SMYD4: variants seen among roughly 807,000 people sequenced by gnomAD.
SMYD4 encodes the protein SET and MYND domain containing 4.
Under a neutral mutation model 72.8 loss-of-function variants are expected in SMYD4, and 68 were observed. The ratio of observed to expected loss-of-function variants is 0.93; its 90% confidence interval spans 0.77 to 1.14. The LOEUF (loss-of-function observed/expected upper bound fraction) is 1.14. Ranked by LOEUF, SMYD4 falls within the 50% of genes most tolerant of loss-of-function variation. The probability of loss-of-function intolerance (pLI) is 0.00; values close to 1 mark genes in which losing one functional copy is unlikely to be tolerated. For missense variants in SMYD4, 984 were observed against 1,003.7 expected (o/e 0.98, Z 0.27); for synonymous variants, 407 against 388.6 (o/e 1.05, Z -0.56).
At chr17:1,824,199 C>T (rs112096788) in intron 2 of SMYD4, among the ~76,000 whole-genome samples, 5,171 of 152,114 alleles carry the variant, frequency 0.034, 129 homozygotes, top group Non-Finnish European at 0.053. Flanking sequence ...AAACATTAGC[C>T]GGGCATGATG....
intron 6 of SMYD4, 31 bp from the exon 7 acceptor site, chr17:1,787,004 A>G (rs758585673): frequency 6.5e-7 from 1 of 1,532,346 alleles, no homozygotes; most frequent in South Asian, 1.1e-5. Flanking sequence ...GCCAATATTG[A>G]AAGCAAGAGA....
rs374639152 is a variant in SMYD4, at chr17:1,783,443, C to T, written c.2054G>A (p.Arg685His). ...RAVQRLSGCQ[R>H]DAESFLWAEH... ...TGCCCACAGGAAGCTCTCGGCGTCA[C>T]GCTGGCACCCCGACAGCCGCTGAAC... Residue 685 changes from arginine (R) to histidine (H), a missense_variant, in exon 9 of 11, where the codon CGT (arginine) becomes CAT (histidine). By Grantham distance (29) the Arg-to-His change is conservative (BLOSUM62 0). Transcript: ENST00000305513. 3.2e-5 allele frequency: 52 copies of T among 1,611,736 alleles called. No individual in the cohort carries two copies. The highest frequency in any genetic ancestry group is 6.7e-5 in the African/African-American group (5 of 74,892).
At chr17:1,805,850 A>G (rs1352361545) in intron 3 of SMYD4, among the ~76,000 whole-genome samples, 3 of 150,310 alleles carry the variant, frequency 2.0e-5, no homozygotes, top group Admixed American at 6.7e-5. Flanking sequence ...ATATATATAT[A>G]TATGTATAAG....
chr17:1,783,049 C>G lies in SMYD4; in HGVS notation c.2247G>C (p.Gln749His). ...EMGHELFKLA[Q>H]IFFNGFAVPE... Reference sequence around the variant, plus strand: ...AAGGGACTCACCCGTTGAAAAAGATCTGGGCCAATTTGAAGAGCTCATGGC... The same window carrying G: ...AAGGGACTCACCCGTTGAAAAAGATGTGGGCCAATTTGAAGAGCTCATGGC... The change falls in exon 10 of 11, where the codon CAG becomes CAC. Residue 749 changes from glutamine (Q) to histidine (H), a missense_variant. Gln to His is a conservative substitution (Grantham distance 24, BLOSUM62 0). Transcript: ENST00000305513. The G allele has an allele frequency of 6.2e-7, 1 of 1,614,102 alleles. No homozygotes were observed. Among genetic ancestry groups the G allele is most frequent in the South Asian group, 1.1e-5 (1 of 91,086 alleles).
intron 2 of SMYD4, among the ~76,000 whole-genome samples, chr17:1,824,547 G>T (rs1452921885): frequency 6.6e-6 from 1 of 152,092 alleles, no homozygotes; most frequent in Non-Finnish European, 1.5e-5. Flanking sequence ...TAACAGAATC[G>T]TGGGAGTGGT....
intron 5 of SMYD4, among the ~76,000 whole-genome samples, chr17:1,788,718 GACA>G (rs1346206084): frequency 6.6e-6 from 1 of 151,658 alleles, no homozygotes; most frequent in Non-Finnish European, 1.5e-5. Context: ...CTCCAGCCTA[GACA>G]ACAAGAGTGA....
At chr17:1,785,946 C>A (rs1351146138) in intron 7 of SMYD4, among the ~76,000 whole-genome samples, 1 of 152,210 alleles carries the variant, frequency 6.6e-6, no homozygotes, top group Non-Finnish European at 1.5e-5. Context: ...TGGACATCTG[C>A]TGTGTTTCAA....
At chr17:1,810,076 T>G (rs1422098804) in intron 3 of SMYD4, among the ~76,000 whole-genome samples, 2 of 151,800 alleles carry the variant, frequency 1.3e-5, no homozygotes, top group Non-Finnish European at 2.9e-5. Flanking sequence ...ATTACAAGTG[T>G]GAGCCACTGT....
intron 4 of SMYD4, among the ~76,000 whole-genome samples, chr17:1,801,999 A>G (rs1909791294): frequency 6.6e-6 from 1 of 151,558 alleles, no homozygotes; most frequent in Non-Finnish European, 1.5e-5. Context: ...CAAACAAAAA[A>G]CCAAATACAC....
intron 2 of SMYD4, among the ~76,000 whole-genome samples, chr17:1,817,366 T>C (rs1438325680): frequency 2.0e-5 from 3 of 152,086 alleles, no homozygotes; most frequent in African/African-American, 7.2e-5. Flanking sequence ...AGACAAGGTC[T>C]TGCTCTGTCG....
intron 2 of SMYD4, among the ~76,000 whole-genome samples, chr17:1,823,593 C>T (rs1911005415): frequency 6.6e-6 from 1 of 152,128 alleles, no homozygotes; most frequent in Non-Finnish European, 1.5e-5. Context: ...CCCTTTCTCT[C>T]TACTTCCGGT....
At chr17:1,788,174 T>C (rs1908807871) in intron 5 of SMYD4, among the ~76,000 whole-genome samples, 1 of 151,822 alleles carries the variant, frequency 6.6e-6, no homozygotes, top group Admixed American at 6.6e-5. Flanking sequence ...ACAGCTAGAT[T>C]TGGTCTCTAA....
intron 5 of SMYD4, among the ~76,000 whole-genome samples, chr17:1,796,703 G>A (rs1716145827): frequency 6.6e-6 from 1 of 152,086 alleles, no homozygotes; most frequent in African/African-American, 2.4e-5. Context: ...CCAAAGTGCT[G>A]GGATAATAGG....
intron 2 of SMYD4, among the ~76,000 whole-genome samples, chr17:1,821,124 G>C (rs777390991): frequency 1.6e-3 from 240 of 152,348 alleles, no homozygotes; most frequent in Middle Eastern, 6.8e-3. Context: ...ATGTGAACAA[G>C]ACTCACACAG....
intron 5 of SMYD4, among the ~76,000 whole-genome samples, chr17:1,789,764 CAA>C (rs60740904): frequency 4.4e-5 from 4 of 90,116 alleles, no homozygotes; most frequent in East Asian, 3.0e-4. Context: ...GACTCTGTCT[CAA>C]AAAAAAAAAA....
chr17:1,809,166 T>C (rs1296627473), intron 3 of SMYD4, among the ~76,000 whole-genome samples: 2 of 151,408 alleles, frequency 1.3e-5, no homozygotes, highest in Non-Finnish European at 3.0e-5. Flanking sequence ...AGTGAGCCAC[T>C]GTGCCCAGCC....
rs1436206925 is a variant in SMYD4 at position 1,809,755 on chromosome 17, C to T, written c.279+2216G>A. Among the ~76,000 whole-genome samples, 102 of 137,948 alleles carry T rather than the reference C, an allele frequency of 7.4e-4. No homozygotes were observed. The Middle Eastern group carries it at 0.016, about 21-fold the overall frequency. 90.5% of individuals were successfully genotyped at this position (137,948 alleles called of 152,430 possible). A position where few individuals can be genotyped will look rare whatever the true frequency, so the allele number is the denominator to read the frequency against. The stretch of plus-strand genomic sequence containing the variant: ...CGCGATCTCGGCTCACTGCAAGCTC[C>T]GCCTCCCGGGTTCACGCCATTCTCC... On this transcript the variant is annotated intron_variant, in intron 3 of 10. Transcript: ENST00000305513.
chr17:1,801,772 C>T (rs968313429), intron 4 of SMYD4, among the ~76,000 whole-genome samples: 31 of 151,050 alleles, frequency 2.1e-4, no homozygotes, highest in African/African-American at 6.8e-4. Flanking sequence ...GTCAGGTGAT[C>T]GAGACCATCC....
At chr17:1,781,673 AG>A in intron 10 of SMYD4, 1 of 295,032 alleles carries the variant, frequency 3.4e-6, no homozygotes, top group Non-Finnish European at 6.1e-6. Flanking sequence ...CAAATCTCAA[AG>A]CTTTTTTTTT....
Sources: allele counts gnomAD v4.1 joint callset (sites outside exome capture counted in the v4.1 genomes callset), GRCh38; gene constraint gnomAD v4.1.1; transcripts MANE v1.5; gene names NCBI Gene and HGNC (gene_info 2026-07-23, HGNC 2026-07-21).